The following SERINC2 variants were observed in gnomAD, a reference collection of about 807,000 sequenced individuals.
SERINC2 encodes serine incorporator 2.
Under a neutral mutation model 54.2 loss-of-function variants are expected in SERINC2, and 56 were observed. That is an observed-to-expected ratio of 1.03 (90% CI 0.83 to 1.29). The LOEUF (loss-of-function observed/expected upper bound fraction) is 1.29, where lower values mean the gene tolerates loss of function less well. SERINC2 is among the 50% of genes most tolerant of loss of function. The pLI, the probability that SERINC2 is intolerant of heterozygous loss-of-function variation, is 0.00. For synonymous variants in SERINC2, 272 were observed against 253.1 expected (o/e 1.07, Z -0.71); for missense variants, 614 against 607.4 (o/e 1.01, Z -0.12).
chr1:31,431,537 C>A (rs1383320747), intron 8 of SERINC2, among the ~76,000 whole-genome samples: 3 of 152,210 alleles, frequency 2.0e-5, no homozygotes, highest in Admixed American at 6.5e-5. Context: ...GGTTCTCTGT[C>A]CCTTCCCCTC....
chr1:31,414,124 A>G, intron 1 of SERINC2: 1 of 1,433,004 alleles, frequency 7.0e-7, no homozygotes, highest in Non-Finnish European at 9.1e-7. Context: ...GAATCGAGGG[A>G]GGTTCGGGTG....
rs1641366926 is a variant in SERINC2, at chr1:31,433,080, C to G, written c.1127C>G (p.Ala376Gly). Reference sequence around the variant, plus strand: ...CAGGTGGCAGCCTGTGAGGGCCGGGCCTTTGACAACGAGCAGGACGGCGTC... The same window carrying G: ...CAGGTGGCAGCCTGTGAGGGCCGGGGCTTTGACAACGAGCAGGACGGCGTC... ...QQQVAACEGR[A>G]FDNEQDGVTY... The change falls in exon 9 of 10, where the codon GCC becomes GGC. Residue 376 changes from alanine (A) to glycine (G), a missense_variant. Transcript: ENST00000373709. 1.2e-6 allele frequency: 2 copies of G among 1,613,552 alleles called. No homozygotes were observed. Among genetic ancestry groups the G allele is most frequent in the Non-Finnish European group, 8.5e-7 (1 of 1,180,000 alleles).
chr1:31,424,851 C>T lies in SERINC2; in HGVS notation c.370C>T (p.Pro124Ser), dbSNP rs781858195. 1.2e-6 allele frequency: 2 copies of T among 1,611,648 alleles called. No homozygotes were observed. The highest frequency in any genetic ancestry group is 8.5e-7 in the Non-Finnish European group (1 of 1,179,490). The change falls in exon 3 of 10, where the codon CCC (proline) becomes TCC (serine). Residue 124 changes from proline to serine, a missense_variant. By Grantham distance (74) the Pro-to-Ser change is moderately conservative. Transcript: ENST00000373709. ...GCTCTGCGTGAGCAGCAGCCGGGAC[C>T]CCCGGGCTGCCATCCAGAATGGGTG... The part of the protein sequence containing the change: ...LMLCVSSSRD[P>S]RAAIQNGFWF...
chr1:31,428,792 T>G (rs1484374138), intron 6 of SERINC2, among the ~76,000 whole-genome samples, 186 bp from the exon 7 acceptor site: 1 of 151,878 alleles, frequency 6.6e-6, no homozygotes, highest in African/African-American at 2.4e-5. Context: ...AAAGAAGAAT[T>G]AGGACTCAGC....
Position 31,424,765 on chromosome 1 carries a change from G to A in SERINC2, c.284G>A (p.Arg95His), listed in dbSNP as rs782710911. 14 of 1,611,738 alleles carry A rather than the reference G, an allele frequency of 8.7e-6. No individual in the cohort carries two copies. The East Asian group carries it at 8.9e-5, about 10-fold the overall frequency. The change falls in exon 3 of 10, where the codon CGC becomes CAC. Residue 95 changes from arginine (R) to histidine (H), a missense_variant. Transcript: ENST00000373709. The part of the protein sequence containing the change: ...HIDCGSLLGY[R>H]AVYRMCFATA... ...GACTGTGGCTCCCTGCTTGGCTACC[G>A]CGCTGTCTACCGCATGTGCTTCGCC...
At chr1:31,431,993 A>ATAGGGTGGATAGGGTGGATAGGGTGGT (rs1557500541) in intron 8 of SERINC2, among the ~76,000 whole-genome samples, 6 of 93,052 alleles carry the variant, frequency 6.4e-5, no homozygotes, top group East Asian at 3.4e-4. Flanking sequence ...GATAGGGTGG[A>ATAGGGTGGATAGGGTGGATAGGGTGGT]TAGGGTGGAT....
chr1:31,422,765 C>CT (rs746175510), intron 1 of SERINC2, among the ~76,000 whole-genome samples: 60 of 152,272 alleles, frequency 3.9e-4, no homozygotes, highest in Non-Finnish European at 6.9e-4. Flanking sequence ...AAAGGCTGGG[C>CT]TGTGGACTGG....
At position 31,431,760 on chromosome 1, in the gene SERINC2, G is replaced by T. The variant is rs113594701; in HGVS notation, c.1014-1207G>T. ...TATGGTATTTGGTAGATAGGGTGGA[G>T]AGGGTGGAGAGGGTGAATAGGGTGG... On this transcript the variant is annotated intron_variant, in intron 8 of 9. Transcript: ENST00000373709. 5.1e-3 allele frequency among the ~76,000 whole-genome samples: 529 copies of T among 103,726 alleles called. 10 individuals carry two copies. The highest frequency in any genetic ancestry group is 0.017 in the African/African-American group (478 of 27,644). 68.0% of individuals were successfully genotyped at this position (103,726 alleles called of 152,430 possible). A position where few individuals can be genotyped will look rare whatever the true frequency, so the allele number is the denominator to read the frequency against.
intron 1 of SERINC2, among the ~76,000 whole-genome samples, chr1:31,422,869 C>G (rs12749261): frequency 0.078 from 11,873 of 152,184 alleles, 600 homozygotes; most frequent in East Asian, 0.23. Context: ...AAGGGCTGAC[C>G]GCAACTGGGG....
chr1:31,431,894 A>T (rs868969744), intron 8 of SERINC2, among the ~76,000 whole-genome samples: 225 of 115,784 alleles, frequency 1.9e-3, no homozygotes, highest in Middle Eastern at 6.3e-3. Context: ...GACAGGGTGG[A>T]TAGGGTGGAT....
chr1:31,432,830 T>C, intron 8 of SERINC2, 137 bp from the exon 9 acceptor site: 1 of 653,110 alleles, frequency 1.5e-6, no homozygotes, highest in Non-Finnish European at 2.7e-6. Flanking sequence ...GGGGTAGAGT[T>C]GAGAGGCAAA....
chr1:31,432,935 T>A (rs1553134965), intron 8 of SERINC2, 32 bp from the exon 9 acceptor site: 15 of 1,543,398 alleles, frequency 9.7e-6, no homozygotes, highest in Non-Finnish European at 1.3e-5. Flanking sequence ...GCCAGAGCTA[T>A]CTATTTGCCC....
chr1:31,430,994 C>T (rs1445038730), intron 8 of SERINC2, among the ~76,000 whole-genome samples: 1 of 152,194 alleles, frequency 6.6e-6, no homozygotes, highest in Non-Finnish European at 1.5e-5. Context: ...AAAACATTTT[C>T]TCCAAGTCAG....
At chr1:31,422,978 T>C (rs1379698732) in intron 1 of SERINC2, among the ~76,000 whole-genome samples, 1 of 152,212 alleles carries the variant, frequency 6.6e-6, no homozygotes. Flanking sequence ...CAACTGGTGT[T>C]TATTCTGCAC....
In SERINC2 at chr1:31,413,436, C is replaced by CG. The variant is rs1294003421; in HGVS notation, c.39+133dup. The CG allele has an allele frequency of 4.8e-6, 2 of 415,190 alleles. No homozygotes were observed. The highest frequency in any genetic ancestry group is 7.6e-6 in the Non-Finnish European group (2 of 262,452). The allele number at this position is 415,190 out of a possible 1,614,324, so 25.7% of individuals were successfully genotyped here. On this transcript the variant is annotated intron_variant, in intron 1 of 9. Coordinates refer to ENST00000373709, the MANE Select transcript of SERINC2 (RefSeq NM_178865.5). The surrounding 1 kb of genome is among the most constrained non-coding windows in gnomAD (Gnocchi z 5.0). The stretch of plus-strand genomic sequence containing the variant: ...AACTTGTCTTTCTGGGCCGGTGCCC[C>CG]GCCTGCTCGCCCTCCTGGACCTTCA...
intron 9 of SERINC2, 64 bp from the exon 10 acceptor site, chr1:31,434,000 C>T: frequency 6.4e-7 from 1 of 1,566,790 alleles, no homozygotes; most frequent in Non-Finnish European, 8.7e-7. Flanking sequence ...GACATAAGGC[C>T]AGGGGCCAAG....
chr1:31,416,829 C>G (rs1365588278), intron 1 of SERINC2, among the ~76,000 whole-genome samples: 1 of 152,180 alleles, frequency 6.6e-6, no homozygotes, highest in Admixed American at 6.5e-5. Context: ...AAGTGATTCT[C>G]CTGCCTCAGC....
At position 31,423,868 on chromosome 1, in the gene SERINC2, G is replaced by GCGT. The variant is rs782106055; in HGVS notation, c.201+14_201+15insCGT. ...CAGCTCTACAAGGTGAGTGCCCCAG[G>GCGT]GGAGGCAGGGCGGCCTCCAGCGAGG... On this transcript the variant is annotated intron_variant, in intron 2 of 9. Coordinates refer to ENST00000373709, the MANE Select transcript of SERINC2 (RefSeq NM_178865.5). 1.2e-6 allele frequency: 2 copies of GCGT among 1,610,682 alleles called. No individual in the cohort carries two copies. The highest frequency in any genetic ancestry group is 3.3e-5 in the Admixed American group (2 of 59,966).
At chr1:31,414,091 G>A (rs1553131869) in intron 1 of SERINC2, 21 of 1,468,822 alleles carry the variant, frequency 1.4e-5, no homozygotes, top group Admixed American at 2.4e-5. Flanking sequence ...ACCACCGGGC[G>A]GAACTCTGGG....
Sources: gnomAD v4.1 joint callset for allele counts (sites outside exome capture counted in the v4.1 genomes callset) on GRCh38, gnomAD v4.1.1 for gene constraint, Gnocchi (gnomAD v3.1) non-coding constraint, MANE v1.5 for transcripts, NCBI Gene and HGNC (gene_info 2026-07-23, HGNC 2026-07-21) for gene names.